SZRD1: variants seen among roughly 807,000 people sequenced by gnomAD.
SZRD1 encodes the protein SUZ RNA binding domain containing 1.
A neutral mutation model predicts 17.6 loss-of-function variants in SZRD1; 7 were observed. The observed-to-expected ratio is 0.40, with a 90% CI of 0.23 to 0.75. The LOEUF (loss-of-function observed/expected upper bound fraction) is 0.75, where lower values mean the gene tolerates loss of function less well. SZRD1 is among the 30% of genes least tolerant of loss of function. The pLI, the probability that SZRD1 is intolerant of heterozygous loss-of-function variation, is 0.38. For synonymous variants in SZRD1, 77 were observed against 77.9 expected, an observed-to-expected ratio of 0.99 and a Z score of 0.06; for missense variants, 178 against 201.8, an observed-to-expected ratio of 0.88 and a Z score of 0.71.
Position 16,369,289 on chromosome 1 carries a change from C to T in SZRD1, c.51+1981C>T, listed in dbSNP as rs2082872321. ...TGTTTTGGTGAGATATTTGAAATAC[C>T]TTTTGGAGAAAGGCACCTCGGATGT... On this transcript the variant is annotated intron_variant, in intron 1 of 3. Transcript: ENST00000401088. The T allele has an allele frequency of 1.1e-5, 7 of 666,158 alleles. No individual in the cohort carries two copies. In the South Asian group the frequency reaches 1.1e-4, roughly 10 times the overall value. The allele number at this position is 666,158 out of a possible 1,614,324, so 41.3% of individuals were successfully genotyped here.
At chr1:16,387,127 T>C in intron 1 of SZRD1, 1 of 357,022 alleles carries the variant, frequency 2.8e-6, no homozygotes, top group South Asian at 2.2e-5. Context: ...CGATATAAGG[T>C]ATTATTTTAA....
At chr1:16,385,395 TC>T (rs1241167583) in intron 1 of SZRD1, among the ~76,000 whole-genome samples, 46 of 152,026 alleles carry the variant, frequency 3.0e-4, no homozygotes, top group African/African-American at 1.1e-3. Context: ...TTCGAATCAG[TC>T]CCCCAGGGCA....
chr1:16,386,774 G>A (rs1472513543), intron 1 of SZRD1, among the ~76,000 whole-genome samples: 2 of 152,130 alleles, frequency 1.3e-5, no homozygotes, highest in Non-Finnish European at 2.9e-5. Flanking sequence ...CTCCAGCTCT[G>A]ATAAAGCTCT....
At chr1:16,392,860 C>G (rs149475944) in intron 2 of SZRD1, among the ~76,000 whole-genome samples, 2 of 152,332 alleles carry the variant, frequency 1.3e-5, no homozygotes, top group East Asian at 3.9e-4. Context: ...CGTAGAGAAG[C>G]TGGGATCTTA....
rs887116708 is a variant in SZRD1, at chr1:16,394,956, AAAAT to A, written c.357-74_357-71del. ...GGTGACAGAATGAGACTCCGTCTCA[AAAAT>A]AAATAAAAAATAAAGAAATGATGGG... is the stretch of plus-strand genomic sequence containing the variant. On this transcript the variant is annotated intron_variant, in intron 3 of 3. Transcript: ENST00000401088. 40 of 877,648 alleles carry A rather than the reference AAAAT, an allele frequency of 4.6e-5. No individual in the cohort carries two copies. In the African/African-American group the frequency reaches 5.1e-4, roughly 11 times the overall value. 54.4% of individuals were successfully genotyped at this position (877,648 alleles called of 1,614,324 possible).
At chr1:16,386,332 G>T (rs1245956455) in intron 1 of SZRD1, among the ~76,000 whole-genome samples, 1 of 152,236 alleles carries the variant, frequency 6.6e-6, no homozygotes, top group Non-Finnish European at 1.5e-5. Flanking sequence ...CTGCATCCTT[G>T]TCTAAAGAGA....
chr1:16,380,350 G>A (rs2083078664), intron 1 of SZRD1, among the ~76,000 whole-genome samples: 1 of 151,214 alleles, frequency 6.6e-6, no homozygotes, highest in African/African-American at 2.5e-5. Context: ...TGTCTCCCAG[G>A]CTGGAGTGCA....
rs1364847153 is a variant in SZRD1 at position 16,374,279 on chromosome 1, AG to A, written c.51+6975del. On this transcript the variant is annotated intron_variant, in intron 1 of 3. Transcript: ENST00000401088. ...CCTTATGGACTGTGATGTCCTCAGAAGGGGCTTTCTGTGAAGCAGTTGGGCA... is the reference window on the plus strand; with the variant it reads ...CCTTATGGACTGTGATGTCCTCAGAAGGGCTTTCTGTGAAGCAGTTGGGCA... Among the ~76,000 whole-genome samples, 8 of 152,298 alleles carry A rather than the reference AG, an allele frequency of 5.3e-5. No individual in the cohort carries two copies. In the East Asian group the frequency reaches 1.5e-3, roughly 29 times the overall value.
intron 1 of SZRD1, among the ~76,000 whole-genome samples, chr1:16,376,805 C>CAAAAA (rs59746262): frequency 1.3e-5 from 1 of 75,604 alleles, no homozygotes. Context: ...GACTCTGTCT[C>CAAAAA]AAAAAAAAAA....
intron 1 of SZRD1, among the ~76,000 whole-genome samples, chr1:16,371,181 C>G (rs1025263351): frequency 5.9e-5 from 9 of 152,162 alleles, no homozygotes; most frequent in Non-Finnish European, 1.2e-4. Context: ...CCCTCCAACA[C>G]CACAAGAAAA....
At chr1:16,387,706 C>G (rs61656364) in intron 1 of SZRD1, 1 of 456,550 alleles carries the variant, frequency 2.2e-6, no homozygotes, top group Non-Finnish European at 4.4e-6. Flanking sequence ...TGGAGAAACT[C>G]GAATAGGCAG....
chr1:16,377,470 A>G (rs2083024618), intron 1 of SZRD1, among the ~76,000 whole-genome samples: 2 of 151,544 alleles, frequency 1.3e-5, no homozygotes, highest in Non-Finnish European at 2.9e-5. Context: ...CTGTAATCCC[A>G]GCTACTCAGG....
At position 16,369,901 on chromosome 1, in the gene SZRD1, A is replaced by AC. The variant is rs993571279; in HGVS notation, c.51+2593_51+2594insC. Among the ~76,000 whole-genome samples the AC allele has an allele frequency of 3.8e-4, 57 of 150,584 alleles. 1 individual carries two copies. Among genetic ancestry groups the AC allele is most frequent in the Non-Finnish European group, 7.1e-4 (48 of 67,594 alleles). The stretch of plus-strand genomic sequence containing the variant: ...TGAAACTCCATCAAAAAAAAAAACA[A>AC]AAAAAAAAAACTACAGAGGTGGAAC... On this transcript the variant is annotated intron_variant, in intron 1 of 3. Transcript: ENST00000401088.
Position 16,398,102 on chromosome 1 carries a change from G to A in SZRD1, c.*2962G>A, listed in dbSNP as rs867588238. ...GCGGGCTCCTGAGTCGGCAGATTAA[G>A]CATTTTATAAATTGTATTTTAAATA... is the stretch of plus-strand genomic sequence containing the variant. On this transcript the variant is annotated 3_prime_UTR_variant, in exon 4 of 4. Transcript: ENST00000401088. 56 of 715,242 alleles carry A rather than the reference G, an allele frequency of 7.8e-5. No homozygotes were observed. In the Middle Eastern group the frequency reaches 2.1e-3, roughly 26 times the overall value. 44.3% of individuals were successfully genotyped at this position (715,242 alleles called of 1,614,324 possible).
rs1570044419 is a variant in SZRD1 at position 16,391,274 on chromosome 1, C to T, written c.52-101C>T. The T allele has an allele frequency of 1.2e-6, 1 of 869,072 alleles. No individual in the cohort carries two copies. The highest frequency in any genetic ancestry group is 1.6e-5 in the South Asian group (1 of 62,152). The allele number at this position is 869,072 out of a possible 1,614,324, so 53.8% of individuals were successfully genotyped here. ...TATGTTGAAGGACACAGTCATGTCCCTGGCTAGAGAAAGGACACTGCCCTT... is the reference window on the plus strand; with the variant it reads ...TATGTTGAAGGACACAGTCATGTCCTTGGCTAGAGAAAGGACACTGCCCTT... On this transcript the variant is annotated intron_variant, in intron 1 of 3. Transcript: ENST00000401088. The surrounding 1 kb of genome is among the most constrained non-coding windows in gnomAD (Gnocchi z 4.3).
intron 1 of SZRD1, among the ~76,000 whole-genome samples, chr1:16,389,276 T>TGG (rs201163423): frequency 2.8e-4 from 23 of 81,492 alleles, no homozygotes; most frequent in Non-Finnish European, 4.0e-4. Context: ...TGAGGGGGGG[T>TGG]GGGGGGGGGG....
intron 1 of SZRD1, among the ~76,000 whole-genome samples, chr1:16,368,556 G>A (rs1015354168): frequency 1.3e-5 from 2 of 152,204 alleles, no homozygotes; most frequent in African/African-American, 2.4e-5. Context: ...ATTTAGTAGA[G>A]TTCTTAATGT....
At chr1:16,394,559 G>A (rs1055311218) in intron 3 of SZRD1, among the ~76,000 whole-genome samples, 11 of 152,210 alleles carry the variant, frequency 7.2e-5, no homozygotes, top group African/African-American at 2.7e-4. Flanking sequence ...CACCGACCCT[G>A]CCTGCTCACA....
At chr1:16,368,289 G>T (rs888645972) in intron 1 of SZRD1, among the ~76,000 whole-genome samples, 8 of 152,102 alleles carry the variant, frequency 5.3e-5, no homozygotes, top group African/African-American at 1.9e-4. Flanking sequence ...AGGTTTACGT[G>T]TGCGAGGAGT....
Sources: allele counts gnomAD v4.1 joint callset (sites outside exome capture counted in the v4.1 genomes callset), GRCh38; gene constraint gnomAD v4.1.1; non-coding constraint Gnocchi (gnomAD v3.1); transcripts MANE v1.5; gene names NCBI Gene and HGNC (gene_info 2026-07-23, HGNC 2026-07-21).